Variants in ZNF71 observed in about 807,000 individuals in gnomAD.
ZNF71 encodes the protein zinc finger protein 71.
In ZNF71, 3 loss-of-function variants were observed where a neutral mutation model predicts 6.7. The ratio of observed to expected loss-of-function variants is 0.45; its 90% confidence interval spans 0.20 to 1.16. ZNF71 has a LOEUF of 1.16. ZNF71 is among the 50% of genes most tolerant of loss of function. ZNF71 has a pLI of 0.25. For missense variants in ZNF71, 688 were observed against 728.6 expected (o/e 0.94, Z 0.64); for synonymous variants, 343 against 311.1 (o/e 1.10, Z -1.08).
chr19:56,598,482 G>A lies in ZNF71; in HGVS notation c.-52-3025G>A, dbSNP rs925628281. Among the ~76,000 whole-genome samples the A allele has an allele frequency of 2.0e-5, 3 of 152,216 alleles. No homozygotes were observed. Among genetic ancestry groups the A allele is most frequent in the Non-Finnish European group, 2.9e-5 (2 of 68,042 alleles). On this transcript the variant is annotated intron_variant, in intron 1 of 3. Coordinates refer to ENST00000599599, the MANE Select transcript of ZNF71 (RefSeq NM_001370215.1). The surrounding 1 kb of genome is among the most constrained non-coding windows in gnomAD (Gnocchi z 4.2). ...AGGACATTTTCACTGAGTGATTACA[G>A]TTGGCCAGGTGTGGTGCCCGGGTAC...
intron 3 of ZNF71, among the ~76,000 whole-genome samples, chr19:56,615,916 TA>T (rs1481723253): frequency 6.6e-6 from 1 of 152,232 alleles, no homozygotes; most frequent in Admixed American, 6.5e-5. Context: ...TTTAGTGGTT[TA>T]GCTCTTCACT....
Position 56,621,902 on chromosome 19 carries a change from G to A in ZNF71, c.795G>A (p.Gln265=). 1 of 1,613,616 alleles carries A rather than the reference G, an allele frequency of 6.2e-7. No homozygotes were observed. The highest frequency in any genetic ancestry group is 1.1e-5 in the South Asian group (1 of 91,064). The change falls in exon 4 of 4, where the codon CAG becomes CAA. Residue 265 remains glutamine, a synonymous_variant. Coordinates refer to ENST00000599599, the MANE Select transcript of ZNF71 (RefSeq NM_001370215.1). ...FSQRMNLTVH[Q]RTHTGEKPYV... ...AGCGCATGAACCTCACTGTGCACCA[G>A]CGCACGCACACGGGCGAGAAGCCGT...
At chr19:56,619,606 G>A (rs528891877) in intron 3 of ZNF71, among the ~76,000 whole-genome samples, 103 of 152,284 alleles carry the variant, frequency 6.8e-4, no homozygotes, top group African/African-American at 2.4e-3. Context: ...GGCTGAAGGT[G>A]TATGTTTGAG....
At position 56,618,874 on chromosome 19, in the gene ZNF71, C is replaced by G. The variant is rs1163838950; in HGVS notation, c.161-2394C>G. 6.6e-6 allele frequency among the ~76,000 whole-genome samples: 1 copy of G among 152,146 alleles called. No homozygotes were observed. The highest frequency in any genetic ancestry group is 1.5e-5 in the Non-Finnish European group (1 of 68,024). On this transcript the variant is annotated intron_variant, in intron 3 of 3. Coordinates refer to ENST00000599599, the MANE Select transcript of ZNF71 (RefSeq NM_001370215.1). The surrounding 1 kb of genome is among the most constrained non-coding windows in gnomAD (Gnocchi z 4.6). ...GGAGGTCACGGGAGGGTTGATCTGACTCCTCAGAAGACCGCACTCCCGGAG... is the reference window on the plus strand; with the variant it reads ...GGAGGTCACGGGAGGGTTGATCTGAGTCCTCAGAAGACCGCACTCCCGGAG...
intron 2 of ZNF71, among the ~76,000 whole-genome samples, chr19:56,611,167 A>T (rs1321683007): frequency 6.6e-6 from 1 of 152,170 alleles, no homozygotes; most frequent in Non-Finnish European, 1.5e-5. Flanking sequence ...TCCCTGGGGG[A>T]TATTCGAGGA....
intron 3 of ZNF71, among the ~76,000 whole-genome samples, chr19:56,617,130 T>TTTTTTTTTTTTTTTA (rs1172399730): frequency 6.6e-6 from 1 of 151,180 alleles, no homozygotes; most frequent in African/African-American, 2.5e-5. Context: ...TTGTTTTTTT[T>TTTTTTTTTTTTTTTA]GAGACAGTCT....
chr19:56,609,539 G>A (rs946962738), intron 2 of ZNF71, among the ~76,000 whole-genome samples: 10 of 152,012 alleles, frequency 6.6e-5, no homozygotes, highest in Admixed American at 3.9e-4. Context: ...TGAGGCATAC[G>A]ATATGGATTT....
intron 2 of ZNF71, among the ~76,000 whole-genome samples, chr19:56,605,936 T>C (rs927228220): frequency 6.6e-6 from 1 of 152,226 alleles, no homozygotes; most frequent in Non-Finnish European, 1.5e-5. Flanking sequence ...ATGTTGGGGC[T>C]GAGAGTTGAA....
intron 3 of ZNF71, among the ~76,000 whole-genome samples, chr19:56,619,566 A>G (rs1051715244): frequency 7.2e-5 from 11 of 152,194 alleles, no homozygotes; most frequent in Admixed American, 7.2e-4. Flanking sequence ...TTTTTTGAAC[A>G]GTTTGGACAT....
At position 56,595,394 on chromosome 19, in the gene ZNF71, G is replaced by C. The variant is rs567059522; in HGVS notation, c.-87G>C. On this transcript the variant is annotated 5_prime_UTR_variant, in exon 1 of 4. Transcript: ENST00000599599. ...GGGGGCCGGAACCTGGCCCCGGGGA[G>C]GGCGCGGCCTCGGGGAGACGGCGTG... 1.3e-5 allele frequency: 2 copies of C among 153,262 alleles called. No individual in the cohort carries two copies. The highest frequency in any genetic ancestry group is 2.0e-4 in the South Asian group (1 of 4,930). 9.5% of individuals were successfully genotyped at this position (153,262 alleles called of 1,614,324 possible). A position where few individuals can be genotyped will look rare whatever the true frequency, so the allele number is the denominator to read the frequency against.
intron 2 of ZNF71, among the ~76,000 whole-genome samples, chr19:56,612,601 A>G (rs1353273404): frequency 1.3e-5 from 2 of 152,166 alleles, no homozygotes; most frequent in African/African-American, 4.8e-5. Context: ...ACTGAGTGTT[A>G]TAATAGACTT....
intron 2 of ZNF71, among the ~76,000 whole-genome samples, chr19:56,605,357 GAA>G (rs902931562): frequency 2.0e-4 from 31 of 152,096 alleles, no homozygotes; most frequent in Non-Finnish European, 3.8e-4. Flanking sequence ...GTGATGTGGA[GAA>G]AAAGAGATGC....
chr19:56,599,897 G>A (rs1352425307), intron 1 of ZNF71, among the ~76,000 whole-genome samples: 1 of 151,482 alleles, frequency 6.6e-6, no homozygotes, highest in African/African-American at 2.4e-5. Flanking sequence ...GTTTCACCGT[G>A]GTCTTGATCT....
intron 1 of ZNF71, among the ~76,000 whole-genome samples, chr19:56,600,081 GT>G (rs66726630): frequency 0.64 from 79,013 of 122,822 alleles, 24,673 homozygotes; most frequent in East Asian, 0.99. Flanking sequence ...GTGTTTTTTT[GT>G]TTTTTTGGGG....
chr19:56,607,087 T>C (rs2148009240), intron 2 of ZNF71, among the ~76,000 whole-genome samples: 1 of 152,336 alleles, frequency 6.6e-6, no homozygotes, highest in African/African-American at 2.4e-5. Context: ...ATTTACAATT[T>C]TCTGGGCTAC....
intron 1 of ZNF71, among the ~76,000 whole-genome samples, chr19:56,601,082 C>T (rs372498203): frequency 1.6e-4 from 25 of 152,104 alleles, no homozygotes; most frequent in East Asian, 5.8e-4. Flanking sequence ...CAGCAGCCTG[C>T]GGGAATGTGT....
In ZNF71 at chr19:56,603,685, C is replaced by G. The variant is rs540285492; in HGVS notation, c.33+2094C>G. On this transcript the variant is annotated intron_variant, in intron 2 of 3. Transcript: ENST00000599599. This position sits in a 1 kb window ranked among gnomAD's most constrained non-coding sequence, Gnocchi z 4.6. ...CACCATGATGCCTTCATTTTTGTCT[C>G]ATCTGTGATTCTTGCCTTGAATTCT... Among the ~76,000 whole-genome samples, 15 of 152,242 alleles carry G rather than the reference C, an allele frequency of 9.9e-5. No homozygotes were observed. Among genetic ancestry groups the G allele is most frequent in the Non-Finnish European group, 1.8e-4 (12 of 68,022 alleles).
Position 56,613,770 on chromosome 19 carries a change from A to C in ZNF71, c.34-42A>C. ...CTGGCCATTCCTCCACGCCTCTGTA[A>C]GGAGGGCCCTGCGATGAGCGGATGT... On this transcript the variant is annotated intron_variant, in intron 2 of 3. Transcript: ENST00000599599. This position sits in a 1 kb window ranked among gnomAD's most constrained non-coding sequence, Gnocchi z 4.6. 1 of 1,073,730 alleles carries C rather than the reference A, an allele frequency of 9.3e-7. No homozygotes were observed. 66.5% of individuals were successfully genotyped at this position (1,073,730 alleles called of 1,614,324 possible). A position where few individuals can be genotyped will look rare whatever the true frequency, so the allele number is the denominator to read the frequency against.
At chr19:56,596,104 C>G (rs1487883367) in intron 1 of ZNF71, among the ~76,000 whole-genome samples, 1 of 151,782 alleles carries the variant, frequency 6.6e-6, no homozygotes, top group Non-Finnish European at 1.5e-5. Flanking sequence ...GTGTCCTTGT[C>G]TTTGGTGTTG....
Sources: allele counts gnomAD v4.1 joint callset (sites outside exome capture counted in the v4.1 genomes callset), GRCh38; gene constraint gnomAD v4.1.1; non-coding constraint Gnocchi (gnomAD v3.1); transcripts MANE v1.5; gene names NCBI Gene and HGNC (gene_info 2026-07-23, HGNC 2026-07-21).